GRHL1: variants seen among roughly 807,000 people sequenced by gnomAD.
The protein encoded by GRHL1 is grainyhead like transcription factor 1, also known as grainyhead-like protein 1 homolog.
A neutral mutation model predicts 75.7 loss-of-function variants in GRHL1; 38 were observed. The ratio of observed to expected loss-of-function variants is 0.50; its 90% CI spans 0.39 to 0.66. The LOEUF is 0.66. Ranked by LOEUF, GRHL1 falls within the 30% of genes least tolerant of loss-of-function variation. GRHL1 has a pLI of 0.00. For missense variants in GRHL1, 589 were observed against 767.5 expected (o/e 0.77, Z 2.75); for synonymous variants, 266 against 279.4 (o/e 0.95, Z 0.48).
At chr2:9,978,438 T>G in intron 8 of GRHL1, among the ~76,000 whole-genome samples, 1 of 151,920 alleles carries the variant, frequency 6.6e-6, no homozygotes, top group Admixed American at 6.6e-5. Flanking sequence ...GCAGAGAAAA[T>G]GAAGATCCCC....
chr2:9,963,646 T>C (rs1353701036), intron 5 of GRHL1, among the ~76,000 whole-genome samples: 3 of 152,216 alleles, frequency 2.0e-5, no homozygotes, highest in Non-Finnish European at 1.5e-5. Context: ...TATCAGTATC[T>C]TTAATATCTC....
rs1167713027 is a variant in GRHL1 at position 10,000,756 on chromosome 2, A to G, written c.*49A>G. The G allele has an allele frequency of 9.3e-6, 10 of 1,074,716 alleles. No homozygotes were observed. Among genetic ancestry groups the G allele is most frequent in the Non-Finnish European group, 1.4e-5 (10 of 700,362 alleles). 66.6% of individuals were successfully genotyped at this position (1,074,716 alleles called of 1,614,324 possible). ...AGGAGTTCAGTGCAGGTGTTTCTAG[A>G]TCTTACGGTTTGGCAACTGCAGGTA... is the stretch of plus-strand genomic sequence containing the variant. On this transcript the variant is annotated 3_prime_UTR_variant, in exon 16 of 16. Transcript: ENST00000324907.
intron 8 of GRHL1, among the ~76,000 whole-genome samples, chr2:9,967,262 A>G (rs1379002735): frequency 6.6e-6 from 1 of 152,234 alleles, no homozygotes; most frequent in Non-Finnish European, 1.5e-5. Flanking sequence ...TAGAGTGGCC[A>G]GCTCTTCTTC....
intron 12 of GRHL1, among the ~76,000 whole-genome samples, chr2:9,994,695 T>C (rs180977928): frequency 6.6e-6 from 1 of 152,288 alleles, no homozygotes; most frequent in Non-Finnish European, 1.5e-5. Context: ...CAGCCCCTGC[T>C]CCTGAAGTGG....
At chr2:9,985,038 A>G (rs1169117963) in intron 8 of GRHL1, among the ~76,000 whole-genome samples, 1 of 151,348 alleles carries the variant, frequency 6.6e-6, no homozygotes, top group Non-Finnish European at 1.5e-5. Context: ...ACCACACTCC[A>G]GCCTGGGTGA....
At chr2:9,971,753 A>C (rs1490079934) in intron 8 of GRHL1, among the ~76,000 whole-genome samples, 1 of 152,242 alleles carries the variant, frequency 6.6e-6, no homozygotes, top group African/African-American at 2.4e-5. Flanking sequence ...ATAACAAGAA[A>C]ACTTCCTTGA....
chr2:9,989,548 C>A (rs964440839), intron 9 of GRHL1, among the ~76,000 whole-genome samples: 1 of 151,922 alleles, frequency 6.6e-6, no homozygotes, highest in Non-Finnish European at 1.5e-5. Context: ...ACTCTGAGTA[C>A]ACTTTTTCTC....
chr2:9,998,508 A>G lies in GRHL1; in HGVS notation c.1678-457A>G, dbSNP rs1669005102. ...TATATATACGTATATATACATATAT[A>G]TACGTATATATATACATATATATAC... On this transcript the variant is annotated intron_variant, in intron 14 of 15. Transcript: ENST00000324907. Among the ~76,000 whole-genome samples, 2 of 39,370 alleles carry G rather than the reference A, an allele frequency of 5.1e-5. 1 individual carries two copies. Among genetic ancestry groups the G allele is most frequent in the Admixed American group, 6.6e-4 (2 of 3,042 alleles). The allele number at this position is 39,370 out of a possible 152,430, so 25.8% of individuals were successfully genotyped here.
intron 8 of GRHL1, among the ~76,000 whole-genome samples, chr2:9,969,606 G>T (rs1248781052): frequency 6.6e-6 from 1 of 152,110 alleles, no homozygotes; most frequent in Non-Finnish European, 1.5e-5. Flanking sequence ...GCACAGAGGA[G>T]AAATTATAAA....
intron 10 of GRHL1, among the ~76,000 whole-genome samples, chr2:9,991,590 T>A (rs1441588367): frequency 6.6e-6 from 1 of 152,240 alleles, no homozygotes; most frequent in African/African-American, 2.4e-5. Flanking sequence ...AGTTTCTTGA[T>A]ATGTTCTGAA....
Position 9,961,214 on chromosome 2 carries a change from A to T in GRHL1, c.447A>T (p.Ile149=). The change falls in exon 4 of 16, where the codon ATA becomes ATT. Residue 149 remains isoleucine, a synonymous_variant. Transcript: ENST00000324907. ...CAGATACGACAGTCACTGTCTCCATAGCAACGATGCCTACCCACTCCATCA... is the reference window on the plus strand; with the variant it reads ...CAGATACGACAGTCACTGTCTCCATTGCAACGATGCCTACCCACTCCATCA... ...TAPDTTVTVS[I]ATMPTHSIKT... The T allele has an allele frequency of 6.2e-7, 1 of 1,614,124 alleles. No homozygotes were observed. The highest frequency in any genetic ancestry group is 1.1e-5 in the South Asian group (1 of 91,082).
chr2:9,962,294 T>C (rs1667311860), intron 4 of GRHL1, among the ~76,000 whole-genome samples, 161 bp from the exon 5 acceptor site: 1 of 152,218 alleles, frequency 6.6e-6, no homozygotes, highest in South Asian at 2.1e-4. Flanking sequence ...TCTGTTTTAA[T>C]TTTTTAAGTA....
At position 9,992,556 on chromosome 2, in the gene GRHL1, A is replaced by G. The variant is rs1316565590; in HGVS notation, c.1461+410A>G. 1.3e-5 allele frequency among the ~76,000 whole-genome samples: 2 copies of G among 152,228 alleles called. No homozygotes were observed. The highest frequency in any genetic ancestry group is 2.1e-4 in the South Asian group (1 of 4,830). On this transcript the variant is annotated intron_variant, in intron 11 of 15. Transcript: ENST00000324907. This position sits in a 1 kb window ranked among gnomAD's most constrained non-coding sequence, Gnocchi z 4.6. ...GAAGGCTTTTCTCACAGTTCCAGTT[A>G]CTGAGCCGTCCTTGCCACGTGTAGT... is the stretch of plus-strand genomic sequence containing the variant.
At chr2:9,981,239 G>T (rs796215394) in intron 8 of GRHL1, among the ~76,000 whole-genome samples, 10 of 152,330 alleles carry the variant, frequency 6.6e-5, no homozygotes, top group African/African-American at 2.4e-4. Flanking sequence ...TTCTCCCTCA[G>T]AACTTACCTG....
intron 8 of GRHL1, among the ~76,000 whole-genome samples, chr2:9,983,096 C>T (rs1483346799): frequency 2.6e-5 from 4 of 152,170 alleles, no homozygotes; most frequent in Admixed American, 6.5e-5. Flanking sequence ...GCACGTATGT[C>T]CCCTCCACAC....
intron 4 of GRHL1, among the ~76,000 whole-genome samples, chr2:9,961,923 G>T (rs957167663): frequency 3.3e-5 from 5 of 152,118 alleles, no homozygotes; most frequent in Non-Finnish European, 7.3e-5. Flanking sequence ...TTATGGTGAT[G>T]AATACCTCAC....
At chr2:9,964,102 G>A in intron 6 of GRHL1, 60 bp downstream of exon 6, 1 of 1,511,610 alleles carries the variant, frequency 6.6e-7, no homozygotes, top group Non-Finnish European at 9.1e-7. Flanking sequence ...ACATTTCCAG[G>A]TCTGAAGCAG....
chr2:9,959,675 G>A (rs1465326344), intron 3 of GRHL1: 3 of 152,202 alleles, frequency 2.0e-5, no homozygotes, highest in East Asian at 1.9e-4. Flanking sequence ...AAGCCCACAT[G>A]TATCCATGAC....
chr2:9,958,174 C>CTTTT (rs61051898), intron 2 of GRHL1, among the ~76,000 whole-genome samples: 121 of 130,762 alleles, frequency 9.3e-4, no homozygotes, highest in Middle Eastern at 8.1e-3. Flanking sequence ...TTCTTTTTTT[C>CTTTT]TTTTTTTTTT....
Sources: gnomAD v4.1 joint callset for allele counts (sites outside exome capture counted in the v4.1 genomes callset) on GRCh38, gnomAD v4.1.1 for gene constraint, Gnocchi (gnomAD v3.1) non-coding constraint, MANE v1.5 for transcripts, NCBI Gene and HGNC (gene_info 2026-07-23, HGNC 2026-07-21) for gene names.